ELMO1: variants seen among roughly 807,000 people sequenced by gnomAD.
The protein encoded by ELMO1 is engulfment and cell motility 1.
ELMO1 carries 26 observed loss-of-function variants against 98.9 expected under a neutral mutation model. That is an observed-to-expected ratio of 0.26 (90% confidence interval 0.19 to 0.36). ELMO1 has a LOEUF of 0.36. ELMO1 is among the 10% of genes least tolerant of loss of function. The pLI is 1.00. For synonymous variants in ELMO1, 346 were observed against 346.0 expected (o/e 1.00, Z 0.00); for missense variants, 627 against 935.2 (o/e 0.67, Z 4.30).
At chr7:36,861,555 C>A in intron 21 of ELMO1, 104 bp downstream of exon 21, 1 of 1,356,782 alleles carries the variant, frequency 7.4e-7, no homozygotes, top group Non-Finnish European at 1.0e-6. Context: ...CTTGGTTCAT[C>A]ATTTTTTCAG....
At chr7:36,955,934 A>C (rs1176295146) in intron 16 of ELMO1, among the ~76,000 whole-genome samples, 1 of 152,182 alleles carries the variant, frequency 6.6e-6, no homozygotes, top group Non-Finnish European at 1.5e-5. Flanking sequence ...TCTCTTTTTC[A>C]GTATAATGCT....
At chr7:36,960,277 G>T (rs1431215933) in intron 16 of ELMO1, among the ~76,000 whole-genome samples, 1 of 152,168 alleles carries the variant, frequency 6.6e-6, no homozygotes, top group African/African-American at 2.4e-5. Context: ...ACTCAGTTAT[G>T]GAAACTTCAG....
At chr7:37,203,206 A>G (rs1046145660) in intron 13 of ELMO1, among the ~76,000 whole-genome samples, 1 of 152,140 alleles carries the variant, frequency 6.6e-6, no homozygotes, top group African/African-American at 2.4e-5. Flanking sequence ...CACAAAGAGG[A>G]CTGAGCAAAA....
intron 16 of ELMO1, among the ~76,000 whole-genome samples, chr7:36,999,278 G>A (rs1163369797): frequency 6.6e-6 from 1 of 152,176 alleles, no homozygotes; most frequent in African/African-American, 2.4e-5. Flanking sequence ...GGCCCCAAAT[G>A]CTTTTCATTG....
chr7:37,136,243 AG>A (rs1318403661), intron 13 of ELMO1, among the ~76,000 whole-genome samples: 1 of 152,232 alleles, frequency 6.6e-6, no homozygotes, highest in Non-Finnish European at 1.5e-5. Flanking sequence ...TCCAAACCTA[AG>A]AATAATTGGT....
At chr7:36,995,009 C>A (rs972872063) in intron 16 of ELMO1, among the ~76,000 whole-genome samples, 1 of 152,124 alleles carries the variant, frequency 6.6e-6, no homozygotes, top group African/African-American at 2.4e-5. Context: ...CTGCTCAGAC[C>A]ACACCTGGAG....
At chr7:37,017,083 C>T (rs1793985204) in intron 15 of ELMO1, among the ~76,000 whole-genome samples, 1 of 152,162 alleles carries the variant, frequency 6.6e-6, no homozygotes, top group Admixed American at 6.5e-5. Flanking sequence ...TGCTTTCCTC[C>T]TACTACTTGT....
intron 13 of ELMO1, among the ~76,000 whole-genome samples, chr7:37,196,779 T>C (rs1791987669): frequency 6.6e-6 from 1 of 152,260 alleles, no homozygotes; most frequent in Admixed American, 6.5e-5. Context: ...TCAAATCTTC[T>C]GAAGCTGTAA....
intron 1 of ELMO1, among the ~76,000 whole-genome samples, chr7:37,438,493 C>A (rs952136604): frequency 6.6e-6 from 1 of 150,702 alleles, no homozygotes; most frequent in Non-Finnish European, 1.5e-5. Flanking sequence ...CCAGCTACTT[C>A]GGAGGCTGGG....
intron 13 of ELMO1, among the ~76,000 whole-genome samples, chr7:37,186,345 TA>T (rs1468763918): frequency 6.6e-6 from 1 of 152,138 alleles, no homozygotes; most frequent in Non-Finnish European, 1.5e-5. Flanking sequence ...GTGAAAATTA[TA>T]AAACTATTAG....
chr7:37,257,743 T>C (rs1298202231), intron 6 of ELMO1, among the ~76,000 whole-genome samples: 1 of 150,476 alleles, frequency 6.6e-6, no homozygotes, highest in Non-Finnish European at 1.5e-5. Context: ...GGCTCACACC[T>C]GTAATCCCAA....
At chr7:36,861,762 C>T in intron 20 of ELMO1, 26 bp from the exon 21 acceptor site, 1 of 1,608,318 alleles carries the variant, frequency 6.2e-7, no homozygotes, top group Non-Finnish European at 8.5e-7. Context: ...GAAAACAGCA[C>T]CTTAAGGAAA....
chr7:36,929,845 C>A (rs975337586), intron 16 of ELMO1, among the ~76,000 whole-genome samples: 1 of 152,208 alleles, frequency 6.6e-6, no homozygotes, highest in Non-Finnish European at 1.5e-5. Context: ...CAGAGCTTGT[C>A]CGGTCCATGA....
rs180923527 is a variant in ELMO1 at position 37,088,807 on chromosome 7, T to C, written c.1300+7812A>G. On this transcript the variant is annotated intron_variant, in intron 15 of 21. Coordinates refer to ENST00000310758, the MANE Select transcript of ELMO1 (RefSeq NM_014800.11). ...ATGACTTTTATGCTCTCTCCTATGA[T>C]GATTTTAATTTAGACCAAAAGTGTC... Among the ~76,000 whole-genome samples, 22 of 152,352 alleles carry C rather than the reference T, an allele frequency of 1.4e-4. No individual in the cohort carries two copies. The East Asian group carries it at 4.0e-3, about 28-fold the overall frequency.
chr7:37,261,144 C>G (rs1231600121), intron 5 of ELMO1, among the ~76,000 whole-genome samples: 1 of 152,104 alleles, frequency 6.6e-6, no homozygotes, highest in Non-Finnish European at 1.5e-5. Context: ...AGTTTCCTAG[C>G]ACTTTTTATA....
chr7:37,070,231 T>C (rs78768463), intron 15 of ELMO1, among the ~76,000 whole-genome samples: 4,747 of 152,304 alleles, frequency 0.031, 123 homozygotes, highest in African/African-American at 0.067. Context: ...CCTGGCACCA[T>C]TGGATGGCAG....
intron 4 of ELMO1, among the ~76,000 whole-genome samples, chr7:37,297,999 C>A (rs1218608990): frequency 7.9e-5 from 12 of 152,026 alleles, no homozygotes; most frequent in Non-Finnish European, 1.8e-4. Flanking sequence ...GGATTTTGAT[C>A]TTTTTTTAAT....
At chr7:37,004,572 T>A (rs1387932225) in intron 16 of ELMO1, among the ~76,000 whole-genome samples, 1 of 152,184 alleles carries the variant, frequency 6.6e-6, no homozygotes, top group African/African-American at 2.4e-5. Flanking sequence ...AGACACTGGC[T>A]CTAGAAAGAC....
intron 16 of ELMO1, among the ~76,000 whole-genome samples, chr7:36,958,974 C>T (rs546748783): frequency 6.6e-6 from 1 of 152,116 alleles, no homozygotes; most frequent in Admixed American, 6.5e-5. Context: ...GGTGTCTATC[C>T]GGGCATCTCA....
Sources: gnomAD v4.1 joint callset for allele counts (sites outside exome capture counted in the v4.1 genomes callset) on GRCh38, gnomAD v4.1.1 for gene constraint, MANE v1.5 for transcripts, NCBI Gene and HGNC (gene_info 2026-07-23, HGNC 2026-07-21) for gene names.